Variants in GANAB observed in about 807,000 individuals in gnomAD.
GANAB encodes the protein neutral alpha-glucosidase AB.
A neutral mutation model predicts 129.9 loss-of-function variants in GANAB; 35 were observed. The observed-to-expected ratio is 0.27, with a 90% confidence interval of 0.21 to 0.36. GANAB has a LOEUF of 0.36. GANAB is among the 10% of genes least tolerant of loss of function. The pLI is 1.00. For synonymous variants in GANAB, 482 were observed against 451.8 expected (o/e 1.07, Z -0.85); for missense variants, 939 against 1,221.0 (o/e 0.77, Z 3.44).
chr11:62,634,477 T>TG, intron 5 of GANAB: 1 of 767,356 alleles, frequency 1.3e-6, no homozygotes, highest in Non-Finnish European at 2.3e-6. Flanking sequence ...CTTCCAGAGA[T>TG]GGGGGGAAAA....
intron 4 of GANAB, 112 bp downstream of exon 4, chr11:62,638,871 T>A: frequency 3.1e-6 from 3 of 982,876 alleles, no homozygotes; most frequent in Non-Finnish European, 4.7e-6. Context: ...GGCAAGGTGC[T>A]ATGCTAGTTA....
chr11:62,627,336 T>C lies in GANAB; in HGVS notation c.2198A>G (p.Tyr733Cys). 1.3e-6 allele frequency: 2 copies of C among 1,570,710 alleles called. No homozygotes were observed. The highest frequency in any genetic ancestry group is 1.8e-6 in the Non-Finnish European group (2 of 1,140,484). Residue 733 changes from tyrosine (Y) to cysteine (C), a missense_variant, in exon 18 of 24, where the codon TAC (tyrosine) becomes TGC (cysteine). Physicochemically the swap from Tyr to Cys is radical, Grantham distance 194. Coordinates refer to ENST00000356638, the MANE Select transcript of GANAB (RefSeq NM_198334.3). ...ATTGAAGGTAGTCACATCCTGAGGG[T>C]ACTGCACCCACAGGGGCCTAGGAAG... ...IPVMRPLWVQ[Y>C]PQDVTTFNID... is the part of the protein sequence containing the mutation.
intron 1 of GANAB, among the ~76,000 whole-genome samples, chr11:62,640,598 C>G (rs998809052): frequency 6.8e-6 from 1 of 147,410 alleles, no homozygotes; most frequent in African/African-American, 2.5e-5. Flanking sequence ...CTTAGGGAGG[C>G]CAAGGCTGAC....
chr11:62,634,280 C>G (rs756531091), intron 5 of GANAB: 62 of 1,450,320 alleles, frequency 4.3e-5, no homozygotes, highest in Non-Finnish European at 5.7e-5. Context: ...GGCAGAGGAA[C>G]AGATACAGTA....
chr11:62,640,252 A>AAAAAAAAAAAC (rs1944176106), intron 1 of GANAB, among the ~76,000 whole-genome samples: 1 of 98,122 alleles, frequency 1.0e-5, no homozygotes, highest in Admixed American at 1.1e-4. Context: ...AAAAAAAAAA[A>AAAAAAAAAAAC]GCCAGGCGCG....
chr11:62,638,565 T>C (rs1944054197), intron 4 of GANAB, among the ~76,000 whole-genome samples: 1 of 149,946 alleles, frequency 6.7e-6, no homozygotes. Context: ...TCTGAATATC[T>C]AAGGAAAAGG....
Position 62,628,785 on chromosome 11 carries a change from C to G in GANAB, c.2164G>C (p.Gly722Arg). 1 of 1,613,948 alleles carries G rather than the reference C, an allele frequency of 6.2e-7. No homozygotes were observed. The highest frequency in any genetic ancestry group is 8.5e-7 in the Non-Finnish European group (1 of 1,179,878). ...ATGCCTCACCTCATGACAGGAATGC[C>G]TTCCCGATGGGCCTGATATAAGAGG... Reference protein sequence around the residue: ...YTLLYQAHREGIPVMRPLWVQ... With the variant: ...YTLLYQAHRERIPVMRPLWVQ... Residue 722 changes from glycine (G) to arginine (R), a missense_variant, in exon 17 of 24, where the codon GGC becomes CGC. Gly to Arg is a moderately radical substitution (Grantham distance 125). Transcript: ENST00000356638.
intron 4 of GANAB, among the ~76,000 whole-genome samples, chr11:62,636,930 A>AAT (rs1370307424): frequency 1.3e-4 from 20 of 151,644 alleles, no homozygotes; most frequent in Middle Eastern, 3.4e-3. Flanking sequence ...TGTCTCAAAA[A>AAT]ATATATATAT....
At position 62,626,047 on chromosome 11, in the gene GANAB, G is replaced by A. The variant is rs1382252097; in HGVS notation, c.2725+18C>T. Reference sequence around the variant, plus strand: ...TTCCCCTCCTTCCCCCATCCTAGGGGCCAGATTGGTCACTCACCTTTTGTC... The same window carrying A: ...TTCCCCTCCTTCCCCCATCCTAGGGACCAGATTGGTCACTCACCTTTTGTC... On this transcript the variant is annotated intron_variant, in intron 23 of 23. Transcript: ENST00000356638. The A allele has an allele frequency of 2.5e-6, 4 of 1,580,174 alleles. No homozygotes were observed. The highest frequency in any genetic ancestry group is 3.5e-6 in the Non-Finnish European group (4 of 1,149,022).
Position 62,633,229 on chromosome 11 carries a change from C to T in GANAB, c.673G>A (p.Ala225Thr). ...TGAGTTTTGAATGTCTCCTCCCAGG[C>T]TCCTGGCTCATCTTTCTCTGCCTTC... ...QGKAEKDEPGAWEETFKTHSD... is the reference protein window; with the variant it reads ...QGKAEKDEPGTWEETFKTHSD... The change falls in exon 7 of 24, where the codon GCC (alanine) becomes ACC (threonine). Residue 225 changes from alanine (A) to threonine (T), a missense_variant. Around this residue, in one of 5 missense-constraint regions of GANAB, gnomAD observed 321 missense variants for 329.1 expected, o/e 0.98. Transcript: ENST00000356638. 6.2e-7 allele frequency: 1 copy of T among 1,614,172 alleles called. No individual in the cohort carries two copies. The highest frequency in any genetic ancestry group is 8.5e-7 in the Non-Finnish European group (1 of 1,180,020).
At chr11:62,640,228 C>CAAAAAAAAAAAAAAAAAAAA (rs869051826) in intron 1 of GANAB, among the ~76,000 whole-genome samples, 1 of 28,024 alleles carries the variant, frequency 3.6e-5, no homozygotes, top group Non-Finnish European at 5.3e-5. Flanking sequence ...CAGAGCTAGA[C>CAAAAAAAAAAAAAAAAAAAA]AAAAAAAAAA....
rs749724558 is a variant in GANAB, at chr11:62,625,942, G to A, written c.2726-18C>T. The A allele has an allele frequency of 6.4e-7, 1 of 1,555,260 alleles. No individual in the cohort carries two copies. Among genetic ancestry groups the A allele is most frequent in the East Asian group, 2.2e-5 (1 of 44,608 alleles). ...TGGAGATCCTGGAGGAGGAATAAAAGAGTGCCATAGTCATACCAATGGGCT... is the reference window on the plus strand; with the variant it reads ...TGGAGATCCTGGAGGAGGAATAAAAAAGTGCCATAGTCATACCAATGGGCT... On this transcript the variant is annotated intron_variant, in intron 23 of 23. Transcript: ENST00000356638.
chr11:62,641,923 G>A (rs1163659597), intron 1 of GANAB, among the ~76,000 whole-genome samples: 6 of 150,804 alleles, frequency 4.0e-5, no homozygotes, highest in Admixed American at 1.3e-4. Flanking sequence ...CTGGCCAGGC[G>A]CAGTGGCTCA....
chr11:62,645,589 T>C (rs1405294746), intron 1 of GANAB, among the ~76,000 whole-genome samples: 1 of 151,632 alleles, frequency 6.6e-6, no homozygotes, highest in Non-Finnish European at 1.5e-5. Flanking sequence ...TGGGGCCCTA[T>C]TTGCACAGTC....
intron 9 of GANAB, 88 bp downstream of exon 9, chr11:62,632,477 C>T: frequency 9.7e-7 from 1 of 1,031,818 alleles, no homozygotes; most frequent in Non-Finnish European, 1.5e-6. Flanking sequence ...AAACCCAGTC[C>T]CCAAATAGCT....
chr11:62,636,356 T>C (rs1475686387), intron 4 of GANAB, among the ~76,000 whole-genome samples: 1 of 152,050 alleles, frequency 6.6e-6, no homozygotes, highest in Non-Finnish European at 1.5e-5. Context: ...ATCCCAGCAC[T>C]TTGGGAGGCC....
chr11:62,638,867 G>T, intron 4 of GANAB, 116 bp downstream of exon 4: 1 of 935,500 alleles, frequency 1.1e-6, no homozygotes. Context: ...GTATGGCAAG[G>T]TGCTATGCTA....
At chr11:62,633,799 A>C (rs1014052294) in intron 5 of GANAB, 3 of 522,428 alleles carry the variant, frequency 5.7e-6, no homozygotes, top group Non-Finnish European at 1.0e-5. Context: ...AGAATGATTC[A>C]GGGGCCTGGG....
Position 62,641,993 on chromosome 11 carries a change from G to A in GANAB, c.39-2262C>T, listed in dbSNP as rs549469700. ...GGGCGGATCACAAGGTCAGGAGTTC[G>A]AGACCAGGCTGGCAAAGAGACCAGC... On this transcript the variant is annotated intron_variant, in intron 1 of 23. Coordinates refer to ENST00000356638, the MANE Select transcript of GANAB (RefSeq NM_198334.3). 1.4e-3 allele frequency among the ~76,000 whole-genome samples: 213 copies of A among 151,536 alleles called. 1 individual carries two copies. The highest frequency in any genetic ancestry group is 1.8e-3 in the Admixed American group (27 of 15,192).
Sources: gnomAD v4.1 joint callset for allele counts (sites outside exome capture counted in the v4.1 genomes callset) on GRCh38, gnomAD v4.1.1 for gene constraint, gnomAD v4.1.1 regional missense constraint, MANE v1.5 for transcripts, NCBI Gene and HGNC (gene_info 2026-07-23, HGNC 2026-07-21) for gene names.